Variants in NAV1 observed in about 807,000 individuals in gnomAD.
The protein encoded by NAV1 is neuron navigator 1, also known as pore membrane and/or filament interacting like protein 3.
In NAV1, 18 loss-of-function variants were observed where a neutral mutation model predicts 175.2. The observed-to-expected ratio is 0.10, with a 90% CI of 0.07 to 0.15. The LOEUF (loss-of-function observed/expected upper bound fraction) is 0.15, where lower values mean the gene tolerates loss of function less well. NAV1 is among the 10% of genes least tolerant of loss of function. The pLI is 1.00. For synonymous variants in NAV1, 897 were observed against 978.7 expected (o/e 0.92, Z 1.56); for missense variants, 1,731 against 2,436.6 (o/e 0.71, Z 6.10).
intron 16 of NAV1, chr1:201,804,110 T>C: frequency 2.2e-6 from 1 of 445,236 alleles, no homozygotes; most frequent in Non-Finnish European, 4.2e-6. Context: ...CTCCTGGAGG[T>C]CATTTCTTTA....
At chr1:201,640,230 G>A (rs1446769509) in intron 2 of NAV1, among the ~76,000 whole-genome samples, 1 of 152,176 alleles carries the variant, frequency 6.6e-6, no homozygotes, top group African/African-American at 2.4e-5. Flanking sequence ...GGAGTCTTCT[G>A]GGGCCAGAGA....
intron 1 of NAV1, among the ~76,000 whole-genome samples, chr1:201,655,199 C>T (rs1036554982): frequency 2.0e-5 from 3 of 152,178 alleles, no homozygotes; most frequent in Non-Finnish European, 2.9e-5. Context: ...GGCTCCCTAC[C>T]GGGGACCCAC....
intron 3 of NAV1, among the ~76,000 whole-genome samples, chr1:201,729,673 G>A (rs984295233): frequency 1.3e-5 from 2 of 152,038 alleles, no homozygotes; most frequent in African/African-American, 2.4e-5. Flanking sequence ...TCGGGAGGCC[G>A]AGGCGGGCAG....
chr1:201,595,576 A>G (rs141322101), intron 2 of NAV1, among the ~76,000 whole-genome samples: 63 of 152,268 alleles, frequency 4.1e-4, no homozygotes, highest in African/African-American at 1.3e-3. Flanking sequence ...TTTCTGATCA[A>G]TCCGAGGCAG....
chr1:201,615,243 ATTTC>A lies in NAV1; in HGVS notation c.-32-7586_-32-7583del, dbSNP rs754631805. Among the ~76,000 whole-genome samples, 986 of 148,362 alleles carry A rather than the reference ATTTC, an allele frequency of 6.6e-3. 11 individuals are homozygous for A. Among genetic ancestry groups the A allele is most frequent in the African/African-American group, 0.02 (816 of 39,924 alleles). On this transcript the variant is annotated intron_variant, in intron 2 of 33. Transcript: ENST00000685211. ...TGTTCTCCTTAACATAATTTCTGCC[ATTTC>A]TTTCTTTCTTTCTTTCTTTCTTTTT...
At chr1:201,565,645 T>C (rs535457753) in intron 1 of NAV1, among the ~76,000 whole-genome samples, 34 of 152,364 alleles carry the variant, frequency 2.2e-4, no homozygotes, top group Admixed American at 1.0e-3. Context: ...ATTGCCTCCG[T>C]TGTGAGGCAG....
At position 201,657,372 on chromosome 1, in the gene NAV1, T is replaced by G. The variant is rs556310844; in HGVS notation, c.757+7947T>G. On this transcript the variant is annotated intron_variant, in intron 1 of 29. Transcript: ENST00000367296. ...TTCTGAGAATTTCTACCCATGAGTC[T>G]GAATTTGCTCTCTGGATGCTTACAG... 1.4e-4 allele frequency among the ~76,000 whole-genome samples: 21 copies of G among 152,358 alleles called. No individual in the cohort carries two copies. In the South Asian group the frequency reaches 4.3e-3, roughly 32 times the overall value.
chr1:201,799,758 G>A (rs1200262664), intron 15 of NAV1, among the ~76,000 whole-genome samples: 1 of 151,842 alleles, frequency 6.6e-6, no homozygotes, highest in Admixed American at 6.6e-5. Flanking sequence ...TACTCAGGAG[G>A]CTGAGACAGG....
intron 3 of NAV1, among the ~76,000 whole-genome samples, chr1:201,764,471 T>G (rs1675066509): frequency 6.6e-6 from 1 of 152,226 alleles, no homozygotes; most frequent in African/African-American, 2.4e-5. Context: ...CTCCTTTTTC[T>G]TATAAGGACA....
intron 1 of NAV1, among the ~76,000 whole-genome samples, chr1:201,564,099 A>AAAAG (rs982893645): frequency 6.7e-6 from 1 of 148,992 alleles, no homozygotes; most frequent in Non-Finnish European, 1.5e-5. Flanking sequence ...TGTGTCTCAA[A>AAAAG]AAAGAAAGAA....
At position 201,659,525 on chromosome 1, in the gene NAV1, TG is replaced by T. The variant is rs1669528209; in HGVS notation, c.757+10103del. Among the ~76,000 whole-genome samples the T allele has an allele frequency of 3.9e-5, 6 of 152,180 alleles. 1 individual carries two copies. The South Asian group carries it at 1.0e-3, about 26-fold the overall frequency. ...GCCCTAGCTGCTCAGGAGGCTTAGG[TG>T]GGAGGATCACTTGAGCCTAGGAAGT... On this transcript the variant is annotated intron_variant, in intron 1 of 29. Coordinates refer to ENST00000367296, the Ensembl canonical transcript of NAV1.
In NAV1 at chr1:201,812,791, GA is replaced by G. The variant is rs1440384459; in HGVS notation, c.5221+131del. On this transcript the variant is annotated intron_variant, in intron 27 of 29. Transcript: ENST00000367296. The surrounding 1 kb of genome is among the most constrained non-coding windows in gnomAD (Gnocchi z 4.6). Reference sequence around the variant, plus strand: ...AGGAGCTGCAAGCCTTGTGGCTTCAGACTTAGAACCACTTAACGAGCCTTCC... The same window carrying G: ...AGGAGCTGCAAGCCTTGTGGCTTCAGCTTAGAACCACTTAACGAGCCTTCC... 2.2e-5 allele frequency: 18 copies of G among 812,050 alleles called. No individual in the cohort carries two copies. In the Middle Eastern group the frequency reaches 1.1e-3, roughly 51 times the overall value. 50.3% of individuals were successfully genotyped at this position (812,050 alleles called of 1,614,324 possible).
chr1:201,613,400 T>C (rs544550897), intron 2 of NAV1, among the ~76,000 whole-genome samples: 51 of 152,332 alleles, frequency 3.3e-4, no homozygotes, highest in Middle Eastern at 3.4e-3. Context: ...GTGACAATGT[T>C]TCTGCTATTC....
intron 1 of NAV1, among the ~76,000 whole-genome samples, chr1:201,691,580 G>A (rs978621950): frequency 1.3e-5 from 2 of 152,218 alleles, no homozygotes; most frequent in African/African-American, 4.8e-5. Context: ...ACTAGCATCA[G>A]CAAAAGCTCA....
At chr1:201,780,973 A>G in intron 4 of NAV1, 39 bp from the exon 9 acceptor site, 1 of 1,555,334 alleles carries the variant, frequency 6.4e-7, no homozygotes, top group Non-Finnish European at 8.7e-7. Context: ...TCCCATCTGC[A>G]TAGAAGTATC....
chr1:201,656,601 T>C (rs1189022433), intron 1 of NAV1, among the ~76,000 whole-genome samples: 1 of 152,170 alleles, frequency 6.6e-6, no homozygotes, highest in African/African-American at 2.4e-5. Flanking sequence ...GTATGGCACA[T>C]GGCACAAACC....
At chr1:201,552,379 T>G (rs915373853) in intron 1 of NAV1, among the ~76,000 whole-genome samples, 2 of 152,162 alleles carry the variant, frequency 1.3e-5, no homozygotes, top group African/African-American at 4.8e-5. Context: ...GCCTTTAAGC[T>G]GAGGTGGGTA....
At chr1:201,648,880 G>A in exon 1 of NAV1, 2 of 1,612,548 alleles carry the variant, frequency 1.2e-6, no homozygotes, top group Non-Finnish European at 1.7e-6. Flanking sequence ...AAGTCCGGCA[G>A]CGTGGACAGC....
Position 201,782,921 on chromosome 1 carries a change from G to A in NAV1, c.2357+52G>A, listed in dbSNP as rs764453038. 45 of 1,462,248 alleles carry A rather than the reference G, an allele frequency of 3.1e-5. No homozygotes were observed. Among genetic ancestry groups the A allele is most frequent in the South Asian group, 5.3e-5 (4 of 75,150 alleles). 90.6% of individuals were successfully genotyped at this position (1,462,248 alleles called of 1,614,324 possible). ...TGTCTGTTTGCTTTGTCATTCTTTC[G>A]CATATCTCTGCCCTCCTTGGACTAG... is the stretch of plus-strand genomic sequence containing the variant. On this transcript the variant is annotated intron_variant, in intron 6 of 29. Coordinates refer to ENST00000367296, the Ensembl canonical transcript of NAV1. The surrounding 1 kb of genome is among the most constrained non-coding windows in gnomAD (Gnocchi z 5.4).
Sources: allele counts gnomAD v4.1 joint callset (sites outside exome capture counted in the v4.1 genomes callset), GRCh38; gene constraint gnomAD v4.1.1; non-coding constraint Gnocchi (gnomAD v3.1); transcripts MANE v1.5; gene names NCBI Gene and HGNC (gene_info 2026-07-23, HGNC 2026-07-21).